Variants in IL16 observed in about 807,000 individuals in gnomAD.
The protein encoded by IL16 is pro-interleukin-16.
In IL16, 67 loss-of-function variants were observed where a neutral mutation model predicts 110.1. The ratio of observed to expected loss-of-function variants is 0.61; its 90% CI spans 0.50 to 0.75. The LOEUF is 0.75. Among genes scored for constraint, IL16 ranks in the 30% least tolerant of loss-of-function variants. The pLI, the probability that IL16 is intolerant of heterozygous loss-of-function variation, is 0.00. For missense variants in IL16, 1,545 were observed against 1,655.0 expected (o/e 0.93, Z 1.15); for synonymous variants, 689 against 662.9 (o/e 1.04, Z -0.61).
In IL16 at chr15:81,267,933, C is replaced by T. The variant is rs893586481; in HGVS notation, c.565-1605C>T. On this transcript the variant is annotated intron_variant, in intron 4 of 18. Transcript: ENST00000683961. The stretch of plus-strand genomic sequence containing the variant: ...ATTCCAAAGCACCCTCATAGACACA[C>T]ACAGAATAATGGTTGACTAAATATA... 4.4e-4 allele frequency among the ~76,000 whole-genome samples: 67 copies of T among 152,226 alleles called. 1 individual carries two copies. The highest frequency in any genetic ancestry group is 1.4e-3 in the African/African-American group (58 of 41,454).
At chr15:81,196,828 G>C (rs1895611045), upstream of IL16, 3 of 1,119,268 alleles carry the variant, frequency 2.7e-6, 1 homozygote, top group South Asian at 6.0e-5. Flanking sequence ...ACGTGGAGCA[G>C]TCAGATGGCT....
intron 1 of IL16, among the ~76,000 whole-genome samples, chr15:81,211,549 G>T (rs1039400635): frequency 1.1e-4 from 17 of 152,148 alleles, no homozygotes; most frequent in African/African-American, 4.1e-4. Context: ...ACCGCGCTTG[G>T]CCTAGTTTTT....
At chr15:81,231,490 A>C (rs1021951050) in intron 2 of IL16, among the ~76,000 whole-genome samples, 29 of 152,148 alleles carry the variant, frequency 1.9e-4, no homozygotes, top group African/African-American at 6.3e-4. Flanking sequence ...CCCCCCTTTC[A>C]GCCTCCTGAG....
intron 2 of IL16, among the ~76,000 whole-genome samples, chr15:81,226,630 A>G (rs1896797415): frequency 6.6e-6 from 1 of 152,346 alleles, no homozygotes; most frequent in Admixed American, 6.5e-5. Context: ...TTTAACACAC[A>G]TAATAAACAA....
chr15:81,276,476 G>A (rs1898915531), intron 6 of IL16, among the ~76,000 whole-genome samples: 1 of 152,142 alleles, frequency 6.6e-6, no homozygotes, highest in African/African-American at 2.4e-5. Context: ...ACAGAGCCTT[G>A]GGTCCATGTG....
intron 10 of IL16, 140 bp downstream of exon 10, chr15:81,285,970 G>A: frequency 3.3e-6 from 3 of 897,466 alleles, no homozygotes; most frequent in Admixed American, 2.3e-5. Context: ...AGTTTCTGTA[G>A]TAAGAATTGT....
intron 5 of IL16, among the ~76,000 whole-genome samples, chr15:81,270,750 C>T (rs1297922016): frequency 6.6e-6 from 1 of 152,008 alleles, no homozygotes; most frequent in Non-Finnish European, 1.5e-5. Context: ...GTGAAGATGA[C>T]CAAAAATGGT....
At chr15:81,300,666 C>G (rs1900239739) in intron 14 of IL16, among the ~76,000 whole-genome samples, 191 bp downstream of exon 14, 1 of 152,052 alleles carries the variant, frequency 6.6e-6, no homozygotes, top group Non-Finnish European at 1.5e-5. Context: ...GGTATTACAC[C>G]TCTGCCTTTC....
intron 1 of IL16, among the ~76,000 whole-genome samples, chr15:81,222,027 G>GT (rs1896633720): frequency 2.6e-5 from 4 of 152,174 alleles, no homozygotes; most frequent in Middle Eastern, 3.4e-3. Flanking sequence ...GCCCCCAAAT[G>GT]TTTTTTTGTC....
chr15:81,243,683 CTAGAGGTTTATCATT>C lies in IL16; in HGVS notation c.313-16087_313-16073del, dbSNP rs1400354479. Among the ~76,000 whole-genome samples the C allele has an allele frequency of 2.0e-5, 3 of 152,138 alleles. No homozygotes were observed. In the South Asian group the frequency reaches 6.2e-4, roughly 32 times the overall value. On this transcript the variant is annotated intron_variant, in intron 2 of 18. Transcript: ENST00000683961. ...AATTCTTCAGTAAAGCCATCTGACCCTAGAGGTTTATCATTTGGAAGTTTTGAAATTACAAATTCA... is the reference window on the plus strand; with the variant it reads ...AATTCTTCAGTAAAGCCATCTGACCCTGGAAGTTTTGAAATTACAAATTCA...
At chr15:81,284,004 G>GA (rs565288106) in intron 9 of IL16, among the ~76,000 whole-genome samples, 19,672 of 82,572 alleles carry the variant, frequency 0.24, 1,787 homozygotes, top group Middle Eastern at 0.34. Flanking sequence ...CCCTGTCTCA[G>GA]AAAAAAAAAA....
At chr15:81,305,790 T>G in intron 16 of IL16, 118 bp from the exon 17 acceptor site, 1 of 1,263,250 alleles carries the variant, frequency 7.9e-7, no homozygotes, top group Non-Finnish European at 1.1e-6. Flanking sequence ...ACAATTATCT[T>G]TAATCTTTGT....
At chr15:81,278,564 A>G (rs1250895957) in intron 6 of IL16, among the ~76,000 whole-genome samples, 1 of 152,200 alleles carries the variant, frequency 6.6e-6, no homozygotes, top group Non-Finnish European at 1.5e-5. Flanking sequence ...GGCAAGGACC[A>G]TATCCAGCCA....
At chr15:81,183,468 T>G (rs1895375444) in intron 1 of IL16, among the ~76,000 whole-genome samples, 1 of 152,196 alleles carries the variant, frequency 6.6e-6, no homozygotes, top group Admixed American at 6.5e-5. Context: ...TATTAAAATC[T>G]TCTTCTTTTG....
rs895975786 is a variant in IL16, at chr15:81,297,202, C to G, written c.2053+124C>G. On this transcript the variant is annotated intron_variant, in intron 13 of 18. Transcript: ENST00000683961. ...GCATTGACATCACCACTGGACCTGG[C>G]TGATCAACAGTCAAGGGTTCCAGGT... 16 of 919,870 alleles carry G rather than the reference C, an allele frequency of 1.7e-5. No homozygotes were observed. In the African/African-American group the frequency reaches 2.7e-4, roughly 16 times the overall value. 57.0% of individuals were successfully genotyped at this position (919,870 alleles called of 1,614,324 possible). A position where few individuals can be genotyped will look rare whatever the true frequency, so the allele number is the denominator to read the frequency against.
intron 4 of IL16, among the ~76,000 whole-genome samples, chr15:81,267,753 T>C (rs1898455185): frequency 6.6e-6 from 1 of 152,214 alleles, no homozygotes; most frequent in Admixed American, 6.5e-5. Flanking sequence ...GGAAAAAGGC[T>C]GATGTCCTAG....
chr15:81,211,265 T>C (rs200378700), intron 1 of IL16, among the ~76,000 whole-genome samples: 4 of 149,918 alleles, frequency 2.7e-5, no homozygotes, highest in Admixed American at 1.3e-4. Flanking sequence ...TTTTTTTTTT[T>C]TGTGAGACAG....
intron 1 of IL16, among the ~76,000 whole-genome samples, chr15:81,218,790 A>G (rs753613135): frequency 1.3e-5 from 2 of 152,184 alleles, no homozygotes; most frequent in Non-Finnish European, 2.9e-5. Flanking sequence ...ACATATTTCC[A>G]TATCTATATA....
chr15:81,244,977 A>G (rs1444709945), intron 2 of IL16, among the ~76,000 whole-genome samples: 1 of 152,082 alleles, frequency 6.6e-6, no homozygotes, highest in African/African-American at 2.4e-5. Flanking sequence ...TTTGATAATT[A>G]TATTTTTTAG....
Sources: allele counts gnomAD v4.1 joint callset (sites outside exome capture counted in the v4.1 genomes callset), GRCh38; gene constraint gnomAD v4.1.1; transcripts MANE v1.5; gene names NCBI Gene and HGNC (gene_info 2026-07-23, HGNC 2026-07-21).